Variants in ZNF536 observed in about 807,000 individuals in gnomAD.
ZNF536 encodes zinc finger protein 536.
In ZNF536, 13 loss-of-function variants were observed where a neutral mutation model predicts 84.5. The ratio of observed to expected loss-of-function variants is 0.15; its 90% CI spans 0.10 to 0.24. The LOEUF (loss-of-function observed/expected upper bound fraction) is 0.24. Ranked by LOEUF, ZNF536 falls within the 10% of genes least tolerant of loss-of-function variation. ZNF536 has a pLI of 1.00. For missense variants in ZNF536, 1,536 were observed against 1,747.5 expected, an observed-to-expected ratio of 0.88 and a Z score of 2.16; for synonymous variants, 811 against 742.5, an observed-to-expected ratio of 1.09 and a Z score of -1.50.
At position 30,491,440 on chromosome 19, in the gene ZNF536, TATC is replaced by T. The variant is rs537733455; in HGVS notation, c.2171-43405_2171-43403del. Among the ~76,000 whole-genome samples the T allele has an allele frequency of 1.5e-4, 23 of 152,278 alleles. 1 individual carries two copies. The South Asian group carries it at 4.8e-3, about 32-fold the overall frequency. Reference sequence around the variant, plus strand: ...GGGAGTTCCAGAGTCCCTCTCCAGTTATCAGGTCGATACATGTACCTGGTAATA... The same window carrying T: ...GGGAGTTCCAGAGTCCCTCTCCAGTTAGGTCGATACATGTACCTGGTAATA... On this transcript the variant is annotated intron_variant, in intron 2 of 4. Transcript: ENST00000355537.
rs1555754126 is a variant in ZNF536 at position 30,423,105 on chromosome 19, A to ACATCCATCCATCCATGCATC, written c.-2-20440_-2-20421dup. The stretch of plus-strand genomic sequence containing the variant: ...TCCCTCCCTTCATCTGCTCATCTAC[A>ACATCCATCCATCCATGCATC]CATCCATCCATCCATGCATCCATCC... On this transcript the variant is annotated intron_variant, in intron 1 of 4. Transcript: ENST00000355537. Among the ~76,000 whole-genome samples, 4 of 41,890 alleles carry ACATCCATCCATCCATGCATC rather than the reference A, an allele frequency of 9.5e-5. No individual in the cohort carries two copies. In the East Asian group the frequency reaches 2.0e-3, roughly 21 times the overall value. The allele number at this position is 41,890 out of a possible 152,430, so 27.5% of individuals were successfully genotyped here.
chr19:30,611,053 T>A (rs994101235), intron 1 of ZNF536, among the ~76,000 whole-genome samples: 5 of 152,200 alleles, frequency 3.3e-5, no homozygotes, highest in South Asian at 2.1e-4. Flanking sequence ...ATTTTGTGTG[T>A]AGACAACTTG....
intron 1 of ZNF536, among the ~76,000 whole-genome samples, chr19:30,417,609 T>A (rs2050788421): frequency 6.6e-6 from 1 of 152,242 alleles, no homozygotes; most frequent in Non-Finnish European, 1.5e-5. Context: ...TTTATAGTTC[T>A]TATTTAATTT....
intron 3 of ZNF536, among the ~76,000 whole-genome samples, chr19:30,544,049 T>A (rs544923441): frequency 1.3e-5 from 2 of 152,246 alleles, no homozygotes; most frequent in African/African-American, 4.8e-5. Flanking sequence ...TTCCAATCAT[T>A]TAGCGATTAC....
chr19:30,640,952 G>A (rs1004984862), intron 1 of ZNF536, among the ~76,000 whole-genome samples: 3 of 152,198 alleles, frequency 2.0e-5, no homozygotes, highest in Admixed American at 6.5e-5. Flanking sequence ...GACACAGAAT[G>A]CTGTGGACAC....
intron 3 of ZNF536, among the ~76,000 whole-genome samples, chr19:30,542,100 C>CA (rs553911832): frequency 1.3e-4 from 20 of 150,666 alleles, no homozygotes; most frequent in South Asian, 4.2e-4. Context: ...GGAGATTTAG[C>CA]AAAAAAAACA....
chr19:30,445,647 C>G lies in ZNF536; in HGVS notation c.2085C>G (p.Thr695=), dbSNP rs149363496. The G allele has an allele frequency of 9.9e-6, 16 of 1,612,170 alleles. No individual in the cohort carries two copies. The highest frequency in any genetic ancestry group is 1.4e-5 in the Non-Finnish European group (16 of 1,179,388). ...CCACGCCGGGCTCCTCTAACGTCACCGAGGAGAGCGGGGTCGGAGGCGGCC... is the reference window on the plus strand; with the variant it reads ...CCACGCCGGGCTCCTCTAACGTCACGGAGGAGAGCGGGGTCGGAGGCGGCC... ...RSTTPGSSNV[T]EESGVGGGLS... Residue 695 remains threonine (T), a synonymous_variant, in exon 2 of 5, where the codon ACC becomes ACG. Transcript: ENST00000355537. This position sits in a 1 kb window ranked among gnomAD's most constrained non-coding sequence, Gnocchi z 4.5.
rs8113434 is a variant in ZNF536 at position 30,617,937 on chromosome 19, G to T, written c.169+68423G>T. On this transcript the variant is annotated intron_variant, in intron 1 of 1. Coordinates refer to the ZNF536 transcript ENST00000592773. Reference sequence around the variant, plus strand: ...ATGTGAGCAAAATGTGGTCTATTGCGTTTTATTCCACGGACAACAAAAAGA... The same window carrying T: ...ATGTGAGCAAAATGTGGTCTATTGCTTTTTATTCCACGGACAACAAAAAGA... Among the ~76,000 whole-genome samples, 1,173 of 152,178 alleles carry T rather than the reference G, an allele frequency of 7.7e-3. 19 individuals carry two copies. The highest frequency in any genetic ancestry group is 0.026 in the African/African-American group (1,098 of 41,522).
At chr19:30,439,955 C>CTTTTTTTTTTTTTTTTTTTTT (rs1369505835) in intron 1 of ZNF536, among the ~76,000 whole-genome samples, 5 of 133,044 alleles carry the variant, frequency 3.8e-5, no homozygotes, top group African/African-American at 1.5e-4. Context: ...CTTTTTCTTT[C>CTTTTTTTTTTTTTTTTTTTTT]TTTCTTTTTT....
intron 2 of ZNF536, among the ~76,000 whole-genome samples, chr19:30,329,975 G>A (rs1296674054): frequency 6.6e-6 from 1 of 152,138 alleles, no homozygotes; most frequent in African/African-American, 2.4e-5. Context: ...ATATGGTTTA[G>A]GTGATAATTT....
At chr19:30,591,471 G>A (rs1402675788) in intron 1 of ZNF536, among the ~76,000 whole-genome samples, 1 of 152,164 alleles carries the variant, frequency 6.6e-6, no homozygotes, top group Middle Eastern at 3.2e-3. Context: ...GGGAACTCCT[G>A]TTCATAAAAT....
At chr19:30,349,074 G>T (rs1300937853) in intron 2 of ZNF536, among the ~76,000 whole-genome samples, 1 of 152,214 alleles carries the variant, frequency 6.6e-6, no homozygotes, top group East Asian at 1.9e-4. Flanking sequence ...TGCCTCAAGT[G>T]CTGAGTTGGT....
intron 2 of ZNF536, among the ~76,000 whole-genome samples, chr19:30,311,424 A>G (rs1436579450): frequency 6.6e-6 from 1 of 152,220 alleles, no homozygotes; most frequent in Non-Finnish European, 1.5e-5. Context: ...AAAGCATCAC[A>G]TTGTTTCAAA....
intron 1 of ZNF536, among the ~76,000 whole-genome samples, chr19:30,638,446 G>T (rs1347364690): frequency 2.4e-4 from 36 of 152,206 alleles, no homozygotes; most frequent in Admixed American, 2.4e-3. Flanking sequence ...AAGGTGAAGT[G>T]GGAGCCAGCA....
chr19:30,389,584 A>C (rs888931172), intron 1 of ZNF536, among the ~76,000 whole-genome samples: 2 of 152,192 alleles, frequency 1.3e-5, no homozygotes, highest in African/African-American at 4.8e-5. Flanking sequence ...ATCATGGGCC[A>C]TTCTCTGCCT....
intron 2 of ZNF536, among the ~76,000 whole-genome samples, chr19:30,467,839 G>C (rs961075037): frequency 6.6e-6 from 1 of 152,218 alleles, no homozygotes; most frequent in African/African-American, 2.4e-5. Flanking sequence ...CCCTGAGGGG[G>C]TCACAGCCCT....
At chr19:30,226,874 G>C (rs926951644), upstream of ZNF536, among the ~76,000 whole-genome samples, 2 of 151,924 alleles carry the variant, frequency 1.3e-5, no homozygotes, top group Non-Finnish European at 2.9e-5. This position sits in a 1 kb window ranked among gnomAD's most constrained non-coding sequence, Gnocchi z 4.6. Context: ...ATGCATGACT[G>C]GGGTAGGAAT....
chr19:30,396,402 G>T (rs1010178508), intron 1 of ZNF536, among the ~76,000 whole-genome samples: 2 of 152,104 alleles, frequency 1.3e-5, no homozygotes, highest in African/African-American at 4.8e-5. Flanking sequence ...GGAATTTGGG[G>T]TTTACTTTTG....
chr19:30,407,825 A>ATGAT lies in ZNF536; in HGVS notation c.-3+35275_-3+35278dup, dbSNP rs1314688923. Reference sequence around the variant, plus strand: ...GCAAAAACAATTGCATGACTCTACCATGATTGATTTATTTAATCCAGTCCC... The same window carrying ATGAT: ...GCAAAAACAATTGCATGACTCTACCATGATTGATTGATTTATTTAATCCAGTCCC... On this transcript the variant is annotated intron_variant, in intron 1 of 4. Coordinates refer to ENST00000355537, the MANE Select transcript of ZNF536 (RefSeq NM_014717.3). 3.0e-4 allele frequency among the ~76,000 whole-genome samples: 46 copies of ATGAT among 152,302 alleles called. 1 individual carries two copies. In the South Asian group the frequency reaches 4.4e-3, roughly 14 times the overall value.
Sources: allele counts gnomAD v4.1 joint callset (sites outside exome capture counted in the v4.1 genomes callset), GRCh38; gene constraint gnomAD v4.1.1; non-coding constraint Gnocchi (gnomAD v3.1); transcripts MANE v1.5; gene names NCBI Gene and HGNC (gene_info 2026-07-23, HGNC 2026-07-21).